GALNT18: variants seen among roughly 807,000 people sequenced by gnomAD.
The protein encoded by GALNT18 is GalNAc-transferase 18.
In GALNT18, 44 loss-of-function variants were observed where a neutral mutation model predicts 69.5. The observed-to-expected ratio is 0.63, with a 90% CI of 0.50 to 0.81. The LOEUF is 0.81. GALNT18 is among the 40% of genes least tolerant of loss of function. The pLI is 0.00. For missense variants in GALNT18, 715 were observed against 810.0 expected (o/e 0.88, Z 1.42); for synonymous variants, 364 against 318.2 (o/e 1.14, Z -1.53).
intron 1 of GALNT18, among the ~76,000 whole-genome samples, chr11:11,513,008 G>A (rs980339327): frequency 1.3e-5 from 2 of 152,228 alleles, no homozygotes; most frequent in African/African-American, 2.4e-5. Flanking sequence ...ATTAAGTACA[G>A]ATGAGACTCC....
intron 1 of GALNT18, among the ~76,000 whole-genome samples, chr11:11,515,304 A>G (rs1170319371): frequency 7.3e-6 from 1 of 136,616 alleles, no homozygotes; most frequent in East Asian, 2.3e-4. Context: ...TGATAGTCCC[A>G]TTTTATAGAC....
intron 1 of GALNT18, among the ~76,000 whole-genome samples, chr11:11,527,007 G>A (rs1857540619): frequency 6.6e-6 from 1 of 152,090 alleles, no homozygotes; most frequent in African/African-American, 2.4e-5. Flanking sequence ...GAAGGAGCCC[G>A]ACACAGGGAA....
intron 9 of GALNT18, among the ~76,000 whole-genome samples, chr11:11,305,237 AGT>A (rs1849559693): frequency 6.6e-6 from 1 of 152,242 alleles, no homozygotes; most frequent in Non-Finnish European, 1.5e-5. Context: ...TTAGATGCAG[AGT>A]GTGCCTTTTT....
Position 11,341,021 on chromosome 11 carries a change from G to T in GALNT18, c.1093-17C>A. 1 of 1,579,250 alleles carries T rather than the reference G, an allele frequency of 6.3e-7. No individual in the cohort carries two copies. Among genetic ancestry groups the T allele is most frequent in the Non-Finnish European group, 8.6e-7 (1 of 1,158,736 alleles). ...CTGCCACACCTGCAGAAGACATGGA[G>T]CCACTTGTCAGAGCCTGCCTGGCTC... On this transcript the variant is annotated splice_polypyrimidine_tract_variant and intron_variant, in intron 6 of 10. Coordinates refer to ENST00000227756, the MANE Select transcript of GALNT18 (RefSeq NM_198516.3). The surrounding 1 kb of genome is among the most constrained non-coding windows in gnomAD (Gnocchi z 6.3).
At chr11:11,279,360 G>A (rs1260312331) in intron 10 of GALNT18, among the ~76,000 whole-genome samples, 1 of 152,040 alleles carries the variant, frequency 6.6e-6, no homozygotes, top group Non-Finnish European at 1.5e-5. Context: ...AAAAACTTCA[G>A]TTCTTACAAC....
chr11:11,427,131 A>G (rs1855149925), intron 3 of GALNT18, among the ~76,000 whole-genome samples: 1 of 152,222 alleles, frequency 6.6e-6, no homozygotes, highest in African/African-American at 2.4e-5. Flanking sequence ...AGACTGCTGC[A>G]GCAGAGTGAC....
In GALNT18 at chr11:11,332,612, G is replaced by C. The variant is rs1850035795; in HGVS notation, c.1416+82C>G. 4 of 1,510,916 alleles carry C rather than the reference G, an allele frequency of 2.6e-6. No individual in the cohort carries two copies. The highest frequency in any genetic ancestry group is 2.8e-5 in the African/African-American group (2 of 72,716). 93.6% of individuals were successfully genotyped at this position (1,510,916 alleles called of 1,614,324 possible). ...AGTTCTTCATGTGAGCAGCTGAGAGGCTCTTTCCCTCCTCTCCCTTTCTTC... is the reference window on the plus strand; with the variant it reads ...AGTTCTTCATGTGAGCAGCTGAGAGCCTCTTTCCCTCCTCTCCCTTTCTTC... On this transcript the variant is annotated intron_variant, in intron 8 of 10. Transcript: ENST00000227756. This position sits in a 1 kb window ranked among gnomAD's most constrained non-coding sequence, Gnocchi z 4.3.
chr11:11,285,671 TTA>T (rs1849179028), intron 10 of GALNT18, among the ~76,000 whole-genome samples: 1 of 152,240 alleles, frequency 6.6e-6, no homozygotes, highest in South Asian at 2.1e-4. Context: ...GGAGCCATCA[TTA>T]AATACTCGAT....
rs746835459 is a variant in GALNT18 at position 11,563,070 on chromosome 11, C to T, written c.235+58289G>A. ...TGGCTTCCCTATATACTTCCACCCC[C>T]ACCCTGCAAACAAGACTCCTCCAGC... is the stretch of plus-strand genomic sequence containing the variant. On this transcript the variant is annotated intron_variant, in intron 1 of 10. Coordinates refer to ENST00000227756, the MANE Select transcript of GALNT18 (RefSeq NM_198516.3). The surrounding 1 kb of genome is among the most constrained non-coding windows in gnomAD (Gnocchi z 4.6). Among the ~76,000 whole-genome samples the T allele has an allele frequency of 6.6e-6, 1 of 152,190 alleles. No homozygotes were observed. The highest frequency in any genetic ancestry group is 1.5e-5 in the Non-Finnish European group (1 of 68,040).
Position 11,339,461 on chromosome 11 carries a change from AC to A in GALNT18, c.1278+1357del, listed in dbSNP as rs1850165027. ...TGCTCACTCACCAGTCCTAAGCAGA[AC>A]CTGGGGACCTGCTATGCCTCACTGG... On this transcript the variant is annotated intron_variant, in intron 7 of 10. Coordinates refer to ENST00000227756, the MANE Select transcript of GALNT18 (RefSeq NM_198516.3). This position sits in a 1 kb window ranked among gnomAD's most constrained non-coding sequence, Gnocchi z 5.2. 6.6e-6 allele frequency among the ~76,000 whole-genome samples: 1 copy of A among 152,102 alleles called. No individual in the cohort carries two copies. The highest frequency in any genetic ancestry group is 6.5e-5 in the Admixed American group (1 of 15,276).
At chr11:11,575,715 T>G (rs1014556473) in intron 1 of GALNT18, among the ~76,000 whole-genome samples, 3 of 151,956 alleles carry the variant, frequency 2.0e-5, no homozygotes, top group African/African-American at 7.3e-5. Context: ...ACAGTGTGTC[T>G]GAAAAACAGC....
At chr11:11,300,100 A>G (rs1849468488) in intron 9 of GALNT18, among the ~76,000 whole-genome samples, 1 of 152,250 alleles carries the variant, frequency 6.6e-6, no homozygotes, top group Non-Finnish European at 1.5e-5. Context: ...ACTTAATAAT[A>G]CACACATTTT....
chr11:11,479,467 A>C (rs1473044439), intron 1 of GALNT18, among the ~76,000 whole-genome samples: 1 of 152,226 alleles, frequency 6.6e-6, no homozygotes, highest in East Asian at 1.9e-4. Context: ...CAAATTATTT[A>C]GAAATATGGT....
In GALNT18 at chr11:11,563,782, C is replaced by A. The variant is rs1207407374; in HGVS notation, c.235+57577G>T. 6.6e-6 allele frequency among the ~76,000 whole-genome samples: 1 copy of A among 152,228 alleles called. No individual in the cohort carries two copies. On this transcript the variant is annotated intron_variant, in intron 1 of 10. Transcript: ENST00000227756. This position sits in a 1 kb window ranked among gnomAD's most constrained non-coding sequence, Gnocchi z 4.6. Reference sequence around the variant, plus strand: ...TGGAAACTATTCTGAGAAATCAAAGCAGCTCTTTTCTATCCAGAACTATAA... The same window carrying A: ...TGGAAACTATTCTGAGAAATCAAAGAAGCTCTTTTCTATCCAGAACTATAA...
At chr11:11,456,044 C>T (rs77570377) in intron 1 of GALNT18, among the ~76,000 whole-genome samples, 1,918 of 152,238 alleles carry the variant, frequency 0.013, 38 homozygotes, top group African/African-American at 0.042. Context: ...AGCTTTGCCA[C>T]CACACTCCAG....
intron 6 of GALNT18, chr11:11,352,797 G>A: frequency 6.2e-7 from 1 of 1,614,176 alleles, no homozygotes; most frequent in Non-Finnish European, 8.5e-7. Context: ...CAAGGCGGGG[G>A]TTCGTGACAC....
chr11:11,279,778 G>A (rs1479472982), intron 10 of GALNT18, among the ~76,000 whole-genome samples: 1 of 152,232 alleles, frequency 6.6e-6, no homozygotes, highest in Non-Finnish European at 1.5e-5. Flanking sequence ...TCACAAGGGT[G>A]TTGCTAGCAG....
At chr11:11,486,860 A>C (rs1032666471) in intron 1 of GALNT18, among the ~76,000 whole-genome samples, 3 of 152,242 alleles carry the variant, frequency 2.0e-5, no homozygotes, top group Non-Finnish European at 4.4e-5. Flanking sequence ...CCAAAGCCCA[A>C]ATGTAAAGGG....
intron 2 of GALNT18, among the ~76,000 whole-genome samples, chr11:11,437,497 T>G (rs541217648): frequency 1.3e-5 from 2 of 151,838 alleles, no homozygotes; most frequent in African/African-American, 2.4e-5. Context: ...CAGGACTGTT[T>G]GGAGATATGT....
Sources: allele counts gnomAD v4.1 joint callset (sites outside exome capture counted in the v4.1 genomes callset), GRCh38; gene constraint gnomAD v4.1.1; non-coding constraint Gnocchi (gnomAD v3.1); transcripts MANE v1.5; gene names NCBI Gene and HGNC (gene_info 2026-07-23, HGNC 2026-07-21).